Variants in LRRC8D observed in about 807,000 individuals in gnomAD.
LRRC8D encodes the protein leucine rich repeat containing 8 VRAC subunit D, also known as volume-regulated anion channel subunit LRRC8D.
LRRC8D carries 20 observed loss-of-function variants against 55.8 expected under a neutral mutation model. The ratio of observed to expected loss-of-function variants is 0.36; its 90% confidence interval spans 0.25 to 0.52. LRRC8D has a LOEUF of 0.52. LRRC8D is among the 20% of genes least tolerant of loss of function. The probability of loss-of-function intolerance (pLI) is 0.93; values close to 1 mark genes in which losing one functional copy is unlikely to be tolerated. For missense variants in LRRC8D, 651 were observed against 1,030.8 expected (o/e 0.63, Z 5.05); for synonymous variants, 352 against 377.0 (o/e 0.93, Z 0.77).
intron 2 of LRRC8D, among the ~76,000 whole-genome samples, chr1:89,851,034 A>G (rs1190677495): frequency 6.6e-6 from 1 of 151,068 alleles, no homozygotes; most frequent in African/African-American, 2.4e-5. Context: ...CATAATTTTA[A>G]TATTGCTGAC....
rs188890266 is a variant in LRRC8D, at chr1:89,935,170, C to G, written c.2102C>G (p.Ser701Cys). 2.6e-5 allele frequency: 42 copies of G among 1,614,206 alleles called. No homozygotes were observed. Among genetic ancestry groups the G allele is most frequent in the Admixed American group, 2.2e-4 (13 of 60,024 alleles). ...AACAAAATTGTTACTATTCCTCCCT[C>G]TATTACCCATGTCAAAAACTTGGAG... ...WHNKIVTIPPSITHVKNLESL... is the reference protein window; with the variant it reads ...WHNKIVTIPPCITHVKNLESL... The change falls in exon 3 of 3, where the codon TCT becomes TGT. Residue 701 changes from serine to cysteine, a missense_variant. Ser to Cys is a moderately radical substitution (Grantham distance 112). Around this residue, in one of 5 missense-constraint regions of LRRC8D, gnomAD observed 338 missense variants for 479.4 expected, o/e 0.71. Coordinates refer to ENST00000337338, the MANE Select transcript of LRRC8D (RefSeq NM_001134479.2).
At chr1:89,848,312 A>C (rs1364148650) in intron 2 of LRRC8D, among the ~76,000 whole-genome samples, 1 of 152,124 alleles carries the variant, frequency 6.6e-6, no homozygotes, top group Non-Finnish European at 1.5e-5. Context: ...TACCACCACC[A>C]CCACCAGCCC....
chr1:89,930,726 A>T lies in LRRC8D; in HGVS notation c.-2-2341A>T, dbSNP rs571430188. ...GCAAGGTGTACTCTCTAGTCTCTGTATGTGAAGTAAGAGTCATTCTGTGCT... is the reference window on the plus strand; with the variant it reads ...GCAAGGTGTACTCTCTAGTCTCTGTTTGTGAAGTAAGAGTCATTCTGTGCT... On this transcript the variant is annotated intron_variant, in intron 2 of 2. Transcript: ENST00000337338. 3.3e-5 allele frequency among the ~76,000 whole-genome samples: 5 copies of T among 151,648 alleles called. No homozygotes were observed. The South Asian group carries it at 1.0e-3, about 32-fold the overall frequency.
intron 2 of LRRC8D, among the ~76,000 whole-genome samples, chr1:89,890,643 T>C (rs1557470035): frequency 6.6e-6 from 1 of 152,194 alleles, no homozygotes; most frequent in Non-Finnish European, 1.5e-5. Context: ...ACAAAAATAA[T>C]ACAGAGTTCT....
intron 2 of LRRC8D, among the ~76,000 whole-genome samples, chr1:89,900,142 A>G (rs1662814626): frequency 6.6e-6 from 1 of 152,128 alleles, no homozygotes; most frequent in African/African-American, 2.4e-5. Context: ...TGGTGTAGAG[A>G]TTTCCAGGAA....
chr1:89,825,214 G>C (rs1055802998), intron 1 of LRRC8D, among the ~76,000 whole-genome samples: 1 of 152,184 alleles, frequency 6.6e-6, no homozygotes, highest in African/African-American at 2.4e-5. Context: ...GGCTCTATTG[G>C]TCCTATATGA....
intron 2 of LRRC8D, among the ~76,000 whole-genome samples, chr1:89,876,559 C>T (rs1336255646): frequency 1.3e-5 from 2 of 152,084 alleles, no homozygotes; most frequent in Non-Finnish European, 2.9e-5. Context: ...CTTTCCCTGC[C>T]TGGTTAGAGC....
chr1:89,901,483 T>TCCCCAGC (rs1054961320), intron 2 of LRRC8D, among the ~76,000 whole-genome samples: 10 of 152,208 alleles, frequency 6.6e-5, no homozygotes, highest in African/African-American at 2.4e-4. Flanking sequence ...CATTGCCCAG[T>TCCCCAGC]CCCCAGCTGT....
At chr1:89,928,608 GC>G (rs1663625918) in intron 2 of LRRC8D, among the ~76,000 whole-genome samples, 1 of 152,170 alleles carries the variant, frequency 6.6e-6, no homozygotes, top group Non-Finnish European at 1.5e-5. Context: ...TACCATTCTT[GC>G]GGGGAGTCTG....
At chr1:89,885,587 G>A (rs1350011510) in intron 2 of LRRC8D, among the ~76,000 whole-genome samples, 1 of 152,206 alleles carries the variant, frequency 6.6e-6, no homozygotes, top group African/African-American at 2.4e-5. Context: ...AAGTTAGGGT[G>A]TTTGGAAAGG....
intron 2 of LRRC8D, 144 bp from the exon 3 acceptor site, chr1:89,932,923 G>GT (rs1321652176): frequency 6.0e-6 from 4 of 664,074 alleles, no homozygotes; most frequent in Non-Finnish European, 9.9e-6. Context: ...TCCCCTTTTA[G>GT]TTTATTTTCT....
chr1:89,821,460 G>A (rs1474652380), intron 1 of LRRC8D, among the ~76,000 whole-genome samples, 169 bp downstream of exon 1: 4 of 152,160 alleles, frequency 2.6e-5, no homozygotes, highest in Non-Finnish European at 5.9e-5. Flanking sequence ...AGGAGGTGGC[G>A]GCGAGCGGAG....
At chr1:89,904,241 C>T (rs1662933419) in intron 2 of LRRC8D, among the ~76,000 whole-genome samples, 2 of 152,116 alleles carry the variant, frequency 1.3e-5, no homozygotes, top group South Asian at 4.1e-4. Context: ...CGGGAATCCC[C>T]AGGCCCAGTT....
At chr1:89,865,421 ATATAT>A (rs1661819367) in intron 2 of LRRC8D, among the ~76,000 whole-genome samples, 2 of 150,780 alleles carry the variant, frequency 1.3e-5, no homozygotes, top group Admixed American at 1.3e-4. Flanking sequence ...AATACAAATA[ATATAT>A]TAAAACCTTT....
At chr1:89,835,016 T>C (rs1391372634) in intron 1 of LRRC8D, among the ~76,000 whole-genome samples, 1 of 152,216 alleles carries the variant, frequency 6.6e-6, no homozygotes, top group Admixed American at 6.5e-5. Flanking sequence ...AGAAGGGAAA[T>C]AATTTTGCCT....
intron 2 of LRRC8D, among the ~76,000 whole-genome samples, chr1:89,909,734 C>T (rs1025661000): frequency 1.3e-4 from 19 of 151,850 alleles, no homozygotes; most frequent in Non-Finnish European, 8.8e-5. Flanking sequence ...AGCGTGGTGG[C>T]GGGCGCCTGT....
chr1:89,910,018 AT>A (rs1386746666), intron 2 of LRRC8D, among the ~76,000 whole-genome samples: 10 of 152,170 alleles, frequency 6.6e-5, no homozygotes, highest in Non-Finnish European at 1.2e-4. Context: ...ATCAGTACAT[AT>A]TTTGTACTTA....
At chr1:89,869,103 C>G (rs987056869) in intron 2 of LRRC8D, among the ~76,000 whole-genome samples, 1 of 152,050 alleles carries the variant, frequency 6.6e-6, no homozygotes. Context: ...GATGGGGTTT[C>G]GCTATGTTGG....
chr1:89,916,875 A>G (rs771180285), intron 2 of LRRC8D, among the ~76,000 whole-genome samples: 4 of 152,160 alleles, frequency 2.6e-5, no homozygotes, highest in Non-Finnish European at 5.9e-5. Context: ...CGGGCCTACC[A>G]TGTGTTCAAC....
Sources: allele counts gnomAD v4.1 joint callset (sites outside exome capture counted in the v4.1 genomes callset), GRCh38; gene constraint gnomAD v4.1.1; regional missense constraint gnomAD v4.1.1; transcripts MANE v1.5; gene names NCBI Gene and HGNC (gene_info 2026-07-23, HGNC 2026-07-21).